Variants in SMAD4 observed in about 807,000 individuals in gnomAD.
SMAD4 encodes SMAD family member 4, also known as MAD homolog 4.
SMAD4 carries 7 observed loss-of-function variants against 63.2 expected under a neutral mutation model. The observed-to-expected ratio is 0.11, with a 90% CI of 0.06 to 0.21. The LOEUF is 0.21. Among genes scored for constraint, SMAD4 ranks in the 10% least tolerant of loss-of-function variants. The pLI is 1.00. For missense variants in SMAD4, 312 were observed against 693.8 expected, an observed-to-expected ratio of 0.45 and a Z score of 6.18; for synonymous variants, 215 against 235.4, an observed-to-expected ratio of 0.91 and a Z score of 0.79.
chr18:51,039,825 T>A (rs1278815643), intron 1 of SMAD4, among the ~76,000 whole-genome samples: 1 of 152,164 alleles, frequency 6.6e-6, no homozygotes, highest in South Asian at 2.1e-4. Flanking sequence ...AAATGACATT[T>A]AAGACACATA....
chr18:51,043,544 CT>C (rs1436423836), intron 1 of SMAD4, among the ~76,000 whole-genome samples: 1 of 152,036 alleles, frequency 6.6e-6, no homozygotes, highest in Non-Finnish European at 1.5e-5. Context: ...CTCTTTATTC[CT>C]GCTAGTATTA....
At chr18:51,036,158 T>A (rs1271205000) in intron 1 of SMAD4, among the ~76,000 whole-genome samples, 1 of 151,516 alleles carries the variant, frequency 6.6e-6, no homozygotes, top group African/African-American at 2.4e-5. Flanking sequence ...AAAACTGTTT[T>A]GTAGAAATGG....
In SMAD4 at chr18:51,058,986, C is replaced by G. The variant is rs143533417; in HGVS notation, c.904+530C>G. On this transcript the variant is annotated intron_variant, in intron 7 of 11. Transcript: ENST00000342988. ...AGTATAACTCTTATATACATTAAAT[C>G]CCTTTCTTCTCATTATAATATTAAT... Among the ~76,000 whole-genome samples the G allele has an allele frequency of 1.4e-3, 208 of 152,200 alleles. 2 individuals are homozygous for G. The highest frequency in any genetic ancestry group is 4.8e-3 in the African/African-American group (199 of 41,540).
chr18:51,066,300 T>C (rs544164705), intron 9 of SMAD4, among the ~76,000 whole-genome samples: 2 of 146,092 alleles, frequency 1.4e-5, no homozygotes, highest in African/African-American at 5.1e-5. Context: ...GCTGAGATCG[T>C]GCCACTGCAC....
intron 1 of SMAD4, among the ~76,000 whole-genome samples, chr18:51,046,310 T>C (rs1011182589): frequency 6.6e-6 from 1 of 152,196 alleles, no homozygotes; most frequent in African/African-American, 2.4e-5. Flanking sequence ...AGGTATGAAG[T>C]AGCAGCTCAT....
chr18:51,059,662 TGTTA>T (rs71880423), intron 7 of SMAD4, among the ~76,000 whole-genome samples, 200 bp from the exon 8 acceptor site: 200 of 152,310 alleles, frequency 1.3e-3, no homozygotes, highest in Admixed American at 2.7e-3. Context: ...AGCACTGAAA[TGTTA>T]GTTATTAAAT....
At chr18:51,052,026 G>A in intron 4 of SMAD4, among the ~76,000 whole-genome samples, 1 of 151,822 alleles carries the variant, frequency 6.6e-6, no homozygotes, top group East Asian at 1.9e-4. Flanking sequence ...TTGGCCGGCT[G>A]GTCTCGAACT....
chr18:51,047,515 G>A (rs1909579297), intron 2 of SMAD4, among the ~76,000 whole-genome samples: 1 of 151,658 alleles, frequency 6.6e-6, no homozygotes, highest in Admixed American at 6.6e-5. Flanking sequence ...GTTCAATGGA[G>A]AAAATTTGGA....
At chr18:51,049,179 A>G (rs2144407094) in intron 3 of SMAD4, 116 bp from the exon 4 acceptor site, 2 of 792,828 alleles carry the variant, frequency 2.5e-6, no homozygotes, top group Admixed American at 2.2e-5. Context: ...CTGAATTGAA[A>G]TGGTTCATGA....
At chr18:51,060,005 G>A in intron 8 of SMAD4, 89 bp downstream of exon 8, 5 of 990,088 alleles carry the variant, frequency 5.1e-6, no homozygotes, top group Non-Finnish European at 8.1e-6. Context: ...GGAATTATGG[G>A]GTCACTTCTC....
At chr18:51,071,907 G>A (rs1910327786) in intron 10 of SMAD4, among the ~76,000 whole-genome samples, 1 of 152,162 alleles carries the variant, frequency 6.6e-6, no homozygotes, top group Non-Finnish European at 1.5e-5. Context: ...TTTTCACTAA[G>A]CATAATGTTT....
chr18:51,036,168 G>A (rs946368978), intron 1 of SMAD4, among the ~76,000 whole-genome samples: 3 of 151,916 alleles, frequency 2.0e-5, no homozygotes, highest in Admixed American at 6.6e-5. Context: ...TGTAGAAATG[G>A]GGGGGCGGGG....
intron 10 of SMAD4, among the ~76,000 whole-genome samples, chr18:51,071,197 G>T (rs1169375333): frequency 6.6e-6 from 1 of 152,018 alleles, no homozygotes; most frequent in East Asian, 1.9e-4. Flanking sequence ...GGGGTAAATT[G>T]TATGTAGATA....
intron 8 of SMAD4, among the ~76,000 whole-genome samples, chr18:51,064,071 G>T (rs1402836833): frequency 6.6e-6 from 1 of 150,938 alleles, no homozygotes; most frequent in African/African-American, 2.4e-5. Flanking sequence ...TTTTCCGTAA[G>T]ATCTGGGTTT....
chr18:51,066,185 C>T (rs1030221071), intron 9 of SMAD4, among the ~76,000 whole-genome samples: 1 of 151,934 alleles, frequency 6.6e-6, no homozygotes, highest in Non-Finnish European at 1.5e-5. Context: ...AACCCTGTCT[C>T]TACCAAAAAT....
chr18:51,038,156 G>T (rs956079492), intron 1 of SMAD4, among the ~76,000 whole-genome samples: 1 of 151,824 alleles, frequency 6.6e-6, no homozygotes, highest in Non-Finnish European at 1.5e-5. Flanking sequence ...GCTCAGGAGG[G>T]TGAGGTGAGA....
At position 51,068,445 on chromosome 18, in the gene SMAD4, C is replaced by A. The variant is rs1355133142; in HGVS notation, c.1308+1258C>A. On this transcript the variant is annotated intron_variant, in intron 10 of 11. Coordinates refer to ENST00000342988, the MANE Select transcript of SMAD4 (RefSeq NM_005359.6). Reference sequence around the variant, plus strand: ...CTCCTGTGTAACTCACAAATCTATACAGACTTCTGAAAAACATAATCGCGG... The same window carrying A: ...CTCCTGTGTAACTCACAAATCTATAAAGACTTCTGAAAAACATAATCGCGG... 2.0e-5 allele frequency among the ~76,000 whole-genome samples: 3 copies of A among 152,090 alleles called. No individual in the cohort carries two copies. In the East Asian group the frequency reaches 5.8e-4, roughly 29 times the overall value.
Position 51,082,645 on chromosome 18 carries a change from CT to C in SMAD4, c.*4181del, listed in dbSNP as rs1384677917. 2 of 230,538 alleles carry C rather than the reference CT, an allele frequency of 8.7e-6. No individual in the cohort carries two copies. Among genetic ancestry groups the C allele is most frequent in the Non-Finnish European group, 1.7e-5 (2 of 116,718 alleles). The allele number at this position is 230,538 out of a possible 1,614,324, so 14.3% of individuals were successfully genotyped here. A position where few individuals can be genotyped will look rare whatever the true frequency, so the allele number is the denominator to read the frequency against. Reference sequence around the variant, plus strand: ...AACATTTCTTTCTGTGCTTGGCTATCTTTGTGGACTTCAGGGGCTTCTAAAA... The same window carrying C: ...AACATTTCTTTCTGTGCTTGGCTATCTTGTGGACTTCAGGGGCTTCTAAAA... On this transcript the variant is annotated 3_prime_UTR_variant, in exon 12 of 12. Transcript: ENST00000342988.
At position 51,082,732 on chromosome 18, in the gene SMAD4, G is replaced by GTT. The variant is rs559471969; in HGVS notation, c.*4276_*4277dup. 4.8e-4 allele frequency: 100 copies of GTT among 207,792 alleles called. No individual in the cohort carries two copies. The highest frequency in any genetic ancestry group is 6.7e-4 in the Non-Finnish European group (70 of 104,250). 12.9% of individuals were successfully genotyped at this position (207,792 alleles called of 1,614,324 possible). On this transcript the variant is annotated 3_prime_UTR_variant, in exon 12 of 12. Coordinates refer to ENST00000342988, the MANE Select transcript of SMAD4 (RefSeq NM_005359.6). The stretch of plus-strand genomic sequence containing the variant: ...AGACAGCTATGGTTTTGAATTTTTA[G>GTT]TTTTTTTTTTTTAACCCACTTCCCC...
Sources: allele counts gnomAD v4.1 joint callset (sites outside exome capture counted in the v4.1 genomes callset), GRCh38; gene constraint gnomAD v4.1.1; transcripts MANE v1.5; gene names NCBI Gene and HGNC (gene_info 2026-07-23, HGNC 2026-07-21).